The following HTR1E variants were observed in gnomAD, a reference collection of about 807,000 sequenced individuals.
HTR1E encodes the protein 5-hydroxytryptamine receptor 1E.
In HTR1E, 3 loss-of-function variants were observed where a neutral mutation model predicts 3.4. The ratio of observed to expected loss-of-function variants is 0.89; its 90% CI spans 0.41 to 2.31. The LOEUF (loss-of-function observed/expected upper bound fraction) is 2.31. Ranked by LOEUF, HTR1E falls within the 30% of genes most tolerant of loss-of-function variation. The pLI is 0.05. For missense variants in HTR1E, 392 were observed against 467.0 expected, an observed-to-expected ratio of 0.84 and a Z score of 1.48; for synonymous variants, 170 against 182.8, an observed-to-expected ratio of 0.93 and a Z score of 0.56.
intron 1 of HTR1E, among the ~76,000 whole-genome samples, chr6:86,963,157 A>T (rs1438758982): frequency 1.3e-5 from 2 of 152,230 alleles, no homozygotes; most frequent in African/African-American, 4.8e-5. Context: ...GACCTTGTGT[A>T]GTCCAAGGCT....
rs559426752 is a variant in HTR1E, at chr6:87,002,293, G to A, written c.-185-12857G>A. Among the ~76,000 whole-genome samples, 18 of 152,330 alleles carry A rather than the reference G, an allele frequency of 1.2e-4. No individual in the cohort carries two copies. The South Asian group carries it at 1.9e-3, about 16-fold the overall frequency. On this transcript the variant is annotated intron_variant, in intron 1 of 1. Transcript: ENST00000305344. ...TCGTGGTCTTGCTGACTTCAGGAGC[G>A]AAGCCATGGACTTGGTGGCGAGTGT... is the stretch of plus-strand genomic sequence containing the variant.
intron 1 of HTR1E, among the ~76,000 whole-genome samples, chr6:86,996,931 C>T (rs1767948104): frequency 6.6e-6 from 1 of 151,796 alleles, no homozygotes. Context: ...AGTTAGAGAT[C>T]AATATCTTCC....
chr6:87,010,406 GC>G (rs1252488592), intron 1 of HTR1E, among the ~76,000 whole-genome samples: 2 of 150,754 alleles, frequency 1.3e-5, no homozygotes, highest in African/African-American at 4.9e-5. Flanking sequence ...GGCTGGCCGG[GC>G]TGAGGGGCTC....
chr6:86,962,942 T>C, intron 1 of HTR1E, among the ~76,000 whole-genome samples: 1 of 152,348 alleles, frequency 6.6e-6, no homozygotes, highest in South Asian at 2.1e-4. Context: ...TTTACTACAC[T>C]ATACTTTTAT....
At chr6:86,992,955 C>T (rs1767891321) in intron 1 of HTR1E, among the ~76,000 whole-genome samples, 1 of 152,136 alleles carries the variant, frequency 6.6e-6, no homozygotes, top group South Asian at 2.1e-4. Context: ...ATATTCTATC[C>T]CACTCGTCCA....
chr6:86,942,334 ATACT>A (rs1470562407), intron 1 of HTR1E, among the ~76,000 whole-genome samples: 2 of 152,216 alleles, frequency 1.3e-5, no homozygotes, highest in African/African-American at 4.8e-5. Flanking sequence ...CAAGAATTGT[ATACT>A]TACTTAAGTA....
intron 1 of HTR1E, among the ~76,000 whole-genome samples, chr6:86,976,216 G>C (rs1767636686): frequency 6.6e-6 from 1 of 152,054 alleles, no homozygotes; most frequent in African/African-American, 2.4e-5. Flanking sequence ...AGCAAGAAGG[G>C]AAATGGAAAG....
intron 1 of HTR1E, among the ~76,000 whole-genome samples, chr6:86,938,712 A>C (rs777262119): frequency 2.0e-5 from 3 of 152,150 alleles, no homozygotes; most frequent in Non-Finnish European, 2.9e-5. Flanking sequence ...TCCTGCACCA[A>C]ATCTCTTGGG....
At chr6:86,979,715 A>C (rs1418780336) in intron 1 of HTR1E, among the ~76,000 whole-genome samples, 1 of 152,238 alleles carries the variant, frequency 6.6e-6, no homozygotes, top group African/African-American at 2.4e-5. Flanking sequence ...ACAATCCAAA[A>C]AAAAGGTAAT....
At position 86,940,763 on chromosome 6, in the gene HTR1E, C is replaced by G. The variant is rs1034776507; in HGVS notation, c.-186+2940C>G. 9.0e-4 allele frequency among the ~76,000 whole-genome samples: 137 copies of G among 152,282 alleles called. 1 individual carries two copies. Among genetic ancestry groups the G allele is most frequent in the African/African-American group, 3.2e-3 (132 of 41,552 alleles). ...AATCTAACGCTCTAATGTGGGAAAG[C>G]ATTCCCTCTATTTCTACAAGCTTAT... On this transcript the variant is annotated intron_variant, in intron 1 of 1. Coordinates refer to ENST00000305344, the MANE Select transcript of HTR1E (RefSeq NM_000865.3).
chr6:86,973,467 C>T (rs1182009778), intron 1 of HTR1E, among the ~76,000 whole-genome samples: 1 of 151,984 alleles, frequency 6.6e-6, no homozygotes, highest in Non-Finnish European at 1.5e-5. Context: ...TTGCAGCCAC[C>T]AACTCTCATA....
chr6:86,952,172 G>C (rs765746046), intron 1 of HTR1E, among the ~76,000 whole-genome samples: 3 of 152,048 alleles, frequency 2.0e-5, no homozygotes, highest in Admixed American at 1.3e-4. Flanking sequence ...TTCTCTCCAA[G>C]ACTGGCTTTG....
chr6:87,005,052 A>C (rs1768081255), intron 1 of HTR1E, among the ~76,000 whole-genome samples: 1 of 152,206 alleles, frequency 6.6e-6, no homozygotes, highest in South Asian at 2.1e-4. Context: ...AGATCTCTAC[A>C]GTGAAAACTA....
intron 1 of HTR1E, among the ~76,000 whole-genome samples, chr6:86,995,698 A>G (rs1767931626): frequency 7.6e-6 from 1 of 132,320 alleles, no homozygotes; most frequent in Non-Finnish European, 1.7e-5. Flanking sequence ...GAAAAAAAAA[A>G]AAAAAAGAAA....
At position 87,009,203 on chromosome 6, in the gene HTR1E, C is replaced by G. The variant is rs570349768; in HGVS notation, c.-185-5947C>G. Among the ~76,000 whole-genome samples, 5 of 150,416 alleles carry G rather than the reference C, an allele frequency of 3.3e-5. No individual in the cohort carries two copies. The East Asian group carries it at 9.9e-4, about 30-fold the overall frequency. ...CTCTGGTTTTCCTAGGCAGAGGACC[C>G]TGCGGCCTTCCGCAGTGTTTGTGTC... is the stretch of plus-strand genomic sequence containing the variant. On this transcript the variant is annotated intron_variant, in intron 1 of 1. Transcript: ENST00000305344.
At chr6:86,940,299 G>A (rs1768527015) in intron 1 of HTR1E, among the ~76,000 whole-genome samples, 1 of 151,948 alleles carries the variant, frequency 6.6e-6, no homozygotes, top group Admixed American at 6.6e-5. Flanking sequence ...ACTTTAGGAG[G>A]CCAAGGCAGG....
intron 1 of HTR1E, among the ~76,000 whole-genome samples, chr6:86,944,981 T>C (rs886525527): frequency 6.6e-6 from 1 of 152,140 alleles, no homozygotes; most frequent in Admixed American, 6.5e-5. Flanking sequence ...TACTGTACTA[T>C]ACTTTTTATC....
chr6:87,005,743 G>T (rs1768093713), intron 1 of HTR1E, among the ~76,000 whole-genome samples: 1 of 152,036 alleles, frequency 6.6e-6, no homozygotes, highest in Non-Finnish European at 1.5e-5. Flanking sequence ...ATTGGATCTT[G>T]TCACATTAAA....
intron 1 of HTR1E, among the ~76,000 whole-genome samples, chr6:86,984,902 G>GTGC (rs1767762957): frequency 6.6e-6 from 1 of 152,148 alleles, no homozygotes; most frequent in African/African-American, 2.4e-5. Context: ...GTGGGAGGGG[G>GTGC]AGTGTGTAGA....
Sources: allele counts gnomAD v4.1 joint callset (sites outside exome capture counted in the v4.1 genomes callset), GRCh38; gene constraint gnomAD v4.1.1; transcripts MANE v1.5; gene names NCBI Gene and HGNC (gene_info 2026-07-23, HGNC 2026-07-21).